The following NAV2 variants were observed in gnomAD, a reference collection of about 807,000 sequenced individuals.
NAV2 encodes neuron navigator 2, also known as helicase, APC down-regulated 1.
Under a neutral mutation model 223.2 loss-of-function variants are expected in NAV2, and 54 were observed. The ratio of observed to expected loss-of-function variants is 0.24; its 90% CI spans 0.19 to 0.30. The LOEUF is 0.30. Ranked by LOEUF, NAV2 falls within the 10% of genes least tolerant of loss-of-function variation. The probability of loss-of-function intolerance (pLI) is 1.00; values close to 1 mark genes in which losing one functional copy is unlikely to be tolerated. For synonymous variants in NAV2, 1,279 were observed against 1,239.3 expected (o/e 1.03, Z -0.67); for missense variants, 2,806 against 3,147.5 (o/e 0.89, Z 2.60).
chr11:20,106,173 A>G (rs28605070), intron 35 of NAV2, among the ~76,000 whole-genome samples: 8 of 8,714 alleles, frequency 9.2e-4, no homozygotes, highest in East Asian at 0.025. Flanking sequence ...ATATATATAT[A>G]TATGTGTGTG....
chr11:19,667,824 T>A (rs956588828), intron 1 of NAV2, among the ~76,000 whole-genome samples: 14 of 152,184 alleles, frequency 9.2e-5, no homozygotes, highest in Non-Finnish European at 1.6e-4. Flanking sequence ...ACAACACATT[T>A]CAGAAGCCAA....
Position 19,611,892 on chromosome 11 carries a change from T to A in NAV2, c.76-220592T>A, listed in dbSNP as rs146534966. 2.8e-3 allele frequency among the ~76,000 whole-genome samples: 424 copies of A among 152,356 alleles called. 5 individuals carry two copies. The highest frequency in any genetic ancestry group is 9.9e-3 in the African/African-American group (412 of 41,590). Reference sequence around the variant, plus strand: ...GCAGTGCCCCAGTAAGGACTCTGTGTGGGGGATCCCACCCATATTTTCCTT... The same window carrying A: ...GCAGTGCCCCAGTAAGGACTCTGTGAGGGGGATCCCACCCATATTTTCCTT... On this transcript the variant is annotated intron_variant, in intron 1 of 37. Coordinates refer to the NAV2 transcript ENST00000360655.
rs2153730559 is a variant in NAV2, at chr11:20,117,130, C to T, written c.7165-1003C>T. ...GCTGCACCACATCTTGGCCCTAGCT[C>T]AGAGAGGCCCCATATTCCTGACTTA... On this transcript the variant is annotated intron_variant, in intron 37 of 37. Transcript: ENST00000349880. Among the ~76,000 whole-genome samples, 3 of 152,288 alleles carry T rather than the reference C, an allele frequency of 2.0e-5. No individual in the cohort carries two copies. In the East Asian group the frequency reaches 5.8e-4, roughly 29 times the overall value.
intron 5 of NAV2, 123 bp downstream of exon 5, chr11:19,880,250 G>A (rs1270608519): frequency 1.5e-6 from 2 of 1,341,382 alleles, no homozygotes; most frequent in African/African-American, 1.5e-5. Flanking sequence ...AGCTACTGGT[G>A]GTTAGTGGGA....
At chr11:19,464,349 T>C (rs1208329982) in intron 1 of NAV2, among the ~76,000 whole-genome samples, 1 of 152,188 alleles carries the variant, frequency 6.6e-6, no homozygotes, top group Non-Finnish European at 1.5e-5. Flanking sequence ...GAATTTTAGC[T>C]GCAGAAGTTT....
At chr11:19,399,883 G>C (rs561887552) in intron 1 of NAV2, among the ~76,000 whole-genome samples, 1 of 152,334 alleles carries the variant, frequency 6.6e-6, no homozygotes, top group East Asian at 1.9e-4. Flanking sequence ...GAGTACGGAA[G>C]AGAAGCCCCT....
chr11:19,744,647 G>C (rs751064120), intron 1 of NAV2, among the ~76,000 whole-genome samples: 38 of 152,036 alleles, frequency 2.5e-4, no homozygotes, highest in Admixed American at 5.9e-4. Flanking sequence ...TCACCCCACT[G>C]TCTCAGAAAT....
intron 1 of NAV2, among the ~76,000 whole-genome samples, chr11:19,474,873 C>T (rs1461289936): frequency 6.6e-6 from 1 of 152,236 alleles, no homozygotes; most frequent in Non-Finnish European, 1.5e-5. Flanking sequence ...GTTTCCCCAT[C>T]TGTGAAGTGG....
At chr11:19,478,937 G>C (rs2042200937) in intron 1 of NAV2, among the ~76,000 whole-genome samples, 1 of 152,216 alleles carries the variant, frequency 6.6e-6, no homozygotes, top group Non-Finnish European at 1.5e-5. Flanking sequence ...CATTACACGA[G>C]ACAGGTGCAC....
intron 2 of NAV2, among the ~76,000 whole-genome samples, chr11:19,838,651 T>A (rs1247291318): frequency 6.6e-6 from 1 of 152,088 alleles, no homozygotes; most frequent in African/African-American, 2.4e-5. Context: ...TGAGACAGGG[T>A]CTCACTCTGT....
chr11:19,849,552 C>T (rs2060999742), intron 3 of NAV2, among the ~76,000 whole-genome samples: 1 of 152,202 alleles, frequency 6.6e-6, no homozygotes, highest in Non-Finnish European at 1.5e-5. Flanking sequence ...AGGAAAAGGC[C>T]ATCTGCAGTG....
intron 1 of NAV2, among the ~76,000 whole-genome samples, chr11:19,388,882 G>A (rs1222221911): frequency 3.3e-5 from 5 of 152,142 alleles, no homozygotes; most frequent in Non-Finnish European, 7.3e-5. Context: ...GGAGGCTGAG[G>A]TTCAGAAAGG....
chr11:19,913,753 G>GCACTAGCTGACCT (rs112222627), intron 6 of NAV2, among the ~76,000 whole-genome samples: 46,445 of 151,996 alleles, frequency 0.31, 10,351 homozygotes, highest in African/African-American at 0.62. Flanking sequence ...TTCCTCCATC[G>GCACTAGCTGACCT]CAGTGCTTCC....
At chr11:19,443,991 G>A (rs974070993) in intron 1 of NAV2, among the ~76,000 whole-genome samples, 1 of 152,124 alleles carries the variant, frequency 6.6e-6, no homozygotes, top group Admixed American at 6.5e-5. Context: ...GTGGAGTGCA[G>A]TGGCGCAATC....
At chr11:19,796,980 G>A (rs915499571) in intron 1 of NAV2, among the ~76,000 whole-genome samples, 1 of 152,116 alleles carries the variant, frequency 6.6e-6, no homozygotes, top group African/African-American at 2.4e-5. Context: ...GAACCCAGGT[G>A]AGGCTGAGGC....
intron 5 of NAV2, among the ~76,000 whole-genome samples, chr11:19,886,052 G>T (rs931318831): frequency 3.9e-5 from 6 of 152,004 alleles, no homozygotes; most frequent in African/African-American, 1.5e-4. Context: ...CTATCATGGC[G>T]CTATCATGGC....
chr11:19,939,956 T>C (rs2046266280), intron 8 of NAV2, among the ~76,000 whole-genome samples, 183 bp downstream of exon 8: 1 of 152,152 alleles, frequency 6.6e-6, no homozygotes, highest in Non-Finnish European at 1.5e-5. Flanking sequence ...TCTTCCCTTT[T>C]CTCTCCCTCT....
intron 6 of NAV2, among the ~76,000 whole-genome samples, chr11:19,900,169 G>T (rs1266189897): frequency 5.3e-5 from 8 of 152,186 alleles, no homozygotes; most frequent in Admixed American, 5.2e-4. Flanking sequence ...CTGGGATATT[G>T]CCTGGAATGG....
At chr11:19,524,112 A>G (rs950597971) in intron 1 of NAV2, among the ~76,000 whole-genome samples, 3 of 152,170 alleles carry the variant, frequency 2.0e-5, no homozygotes, top group South Asian at 2.1e-4. Context: ...CTCCCCTGGT[A>G]GGATATGATC....
Sources: allele counts gnomAD v4.1 joint callset (sites outside exome capture counted in the v4.1 genomes callset), GRCh38; gene constraint gnomAD v4.1.1; transcripts MANE v1.5; gene names NCBI Gene and HGNC (gene_info 2026-07-23, HGNC 2026-07-21).